The following MGLL variants were observed in gnomAD, a reference collection of about 807,000 sequenced individuals.
The protein encoded by MGLL is monoglyceride lipase, also known as lysophospholipase homolog.
In MGLL, 7 loss-of-function variants were observed where a neutral mutation model predicts 29.1. The observed-to-expected ratio is 0.24, with a 90% confidence interval of 0.14 to 0.45. MGLL has a LOEUF of 0.45. Ranked by LOEUF, MGLL falls within the 20% of genes least tolerant of loss-of-function variation. The pLI is 0.99. For synonymous variants in MGLL, 148 were observed against 168.3 expected (o/e 0.88, Z 0.93); for missense variants, 356 against 413.6 (o/e 0.86, Z 1.21).
rs2075952726 is a variant in MGLL, at chr3:127,722,656, C to T, written c.263-90G>A. On this transcript the variant is annotated intron_variant, in intron 3 of 7. Coordinates refer to ENST00000265052, the MANE Select transcript of MGLL (RefSeq NM_007283.7). ...GTTCTCCTCACTGCAATCGCTCTCT[C>T]TCCTGAGCGCCTGAATGTGTCACCT... 16 of 1,539,536 alleles carry T rather than the reference C, an allele frequency of 1.0e-5. No individual in the cohort carries two copies. In the South Asian group the frequency reaches 1.7e-4, roughly 16 times the overall value.
chr3:127,745,678 A>G (rs1020888711), intron 3 of MGLL, among the ~76,000 whole-genome samples: 1 of 152,202 alleles, frequency 6.6e-6, no homozygotes, highest in Non-Finnish European at 1.5e-5. Flanking sequence ...GTACCCATAC[A>G]TTTATATGAA....
intron 3 of MGLL, among the ~76,000 whole-genome samples, chr3:127,772,500 C>T (rs1353424645): frequency 6.6e-6 from 1 of 152,196 alleles, no homozygotes; most frequent in East Asian, 1.9e-4. Flanking sequence ...TCACGTGAAC[C>T]GTCCTGCACA....
chr3:127,739,457 G>T (rs1368146570), intron 3 of MGLL, among the ~76,000 whole-genome samples: 4 of 152,172 alleles, frequency 2.6e-5, no homozygotes, highest in African/African-American at 9.7e-5. Flanking sequence ...TATTAGTTTG[G>T]TCTCCTTTCA....
intron 3 of MGLL, among the ~76,000 whole-genome samples, chr3:127,745,081 C>T (rs59799571): frequency 0.069 from 10,578 of 152,272 alleles, 427 homozygotes; most frequent in South Asian, 0.11. Context: ...ACAGCTGCTA[C>T]GTCTTAGCTG....
intron 3 of MGLL, among the ~76,000 whole-genome samples, chr3:127,756,218 C>T (rs7650669): frequency 0.031 from 4,651 of 152,276 alleles, 201 homozygotes; most frequent in East Asian, 0.095. Context: ...GGAGCTGTTA[C>T]TCCAAGTATT....
intron 3 of MGLL, among the ~76,000 whole-genome samples, chr3:127,747,390 C>G (rs1307211284): frequency 4.6e-5 from 7 of 152,226 alleles, no homozygotes; most frequent in Non-Finnish European, 7.3e-5. Context: ...AGGTCCAACT[C>G]CAGTGTTATC....
At chr3:127,771,379 C>T (rs754507222) in intron 3 of MGLL, among the ~76,000 whole-genome samples, 1 of 152,150 alleles carries the variant, frequency 6.6e-6, no homozygotes, top group Non-Finnish European at 1.5e-5. Flanking sequence ...GATAGGGTCT[C>T]GCTCTGTCGC....
intron 6 of MGLL, among the ~76,000 whole-genome samples, chr3:127,705,491 C>T (rs549045956): frequency 5.9e-5 from 9 of 152,010 alleles, no homozygotes; most frequent in East Asian, 3.9e-4. Flanking sequence ...AGAAGACATA[C>T]AAGGTCCCAG....
chr3:127,756,067 G>T (rs750967810), intron 3 of MGLL, among the ~76,000 whole-genome samples: 1 of 152,182 alleles, frequency 6.6e-6, no homozygotes, highest in Non-Finnish European at 1.5e-5. Context: ...TGGAAGATAG[G>T]TATCATTTTT....
intron 7 of MGLL, among the ~76,000 whole-genome samples, chr3:127,693,172 G>A (rs2075279988): frequency 6.6e-6 from 1 of 152,136 alleles, no homozygotes; most frequent in African/African-American, 2.4e-5. Flanking sequence ...TCTGCCTGGC[G>A]TTTCCGGTCT....
chr3:127,757,196 G>A (rs376456190), intron 3 of MGLL, among the ~76,000 whole-genome samples: 226 of 152,244 alleles, frequency 1.5e-3, no homozygotes, highest in African/African-American at 2.7e-3. Context: ...GGAGAGAGCC[G>A]AACCCAACTT....
In MGLL at chr3:127,761,857, G is replaced by A. The variant is rs189369676; in HGVS notation, c.262+19932C>T. The stretch of plus-strand genomic sequence containing the variant: ...ACTAAATATGCGTAGTGCACCCAGC[G>A]CACTTGCCGGGGAGTTGTGACTGCA... On this transcript the variant is annotated intron_variant, in intron 3 of 7. Coordinates refer to ENST00000265052, the MANE Select transcript of MGLL (RefSeq NM_007283.7). The surrounding 1 kb of genome is among the most constrained non-coding windows in gnomAD (Gnocchi z 4.6). 6.6e-5 allele frequency among the ~76,000 whole-genome samples: 10 copies of A among 152,284 alleles called. No individual in the cohort carries two copies. The highest frequency in any genetic ancestry group is 3.9e-4 in the Admixed American group (6 of 15,300).
At chr3:127,790,074 C>T (rs976394708) in intron 2 of MGLL, among the ~76,000 whole-genome samples, 1 of 152,182 alleles carries the variant, frequency 6.6e-6, no homozygotes, top group Non-Finnish European at 1.5e-5. Flanking sequence ...AAGCAGTATC[C>T]TGTGGGCTGG....
intron 2 of MGLL, among the ~76,000 whole-genome samples, chr3:127,797,082 AGAG>A (rs2077394526): frequency 6.6e-6 from 1 of 152,094 alleles, no homozygotes; most frequent in South Asian, 2.1e-4. Flanking sequence ...ACAGGGTGGC[AGAG>A]GAGAAGCCTG....
At chr3:127,766,109 A>T (rs2076850912) in intron 3 of MGLL, among the ~76,000 whole-genome samples, 2 of 152,162 alleles carry the variant, frequency 1.3e-5, no homozygotes, top group South Asian at 4.1e-4. Flanking sequence ...GTCATGTCCT[A>T]TGAAGATATT....
chr3:127,821,913 T>G, intron 1 of MGLL, 75 bp from the exon 2 acceptor site: 5 of 1,482,866 alleles, frequency 3.4e-6, no homozygotes, highest in Non-Finnish European at 4.6e-6. Context: ...AAAAGTCTAG[T>G]TCAGAGTCAG....
intron 6 of MGLL, among the ~76,000 whole-genome samples, chr3:127,709,175 GT>G (rs1258169925): frequency 2.0e-5 from 3 of 152,148 alleles, no homozygotes; most frequent in Non-Finnish European, 2.9e-5. Context: ...TGGAATTAAA[GT>G]TTTTTTCCTT....
chr3:127,733,006 G>A (rs2076178727), intron 3 of MGLL, among the ~76,000 whole-genome samples: 3 of 152,184 alleles, frequency 2.0e-5, no homozygotes, highest in Admixed American at 2.0e-4. Flanking sequence ...CGGGGGCTGG[G>A]TAAAATGAGG....
chr3:127,766,956 A>C (rs1434606034), intron 3 of MGLL, among the ~76,000 whole-genome samples: 4 of 152,104 alleles, frequency 2.6e-5, no homozygotes, highest in African/African-American at 4.8e-5. Flanking sequence ...CTGTAATCCC[A>C]GCTACTCAGG....
Sources: gnomAD v4.1 joint callset for allele counts (sites outside exome capture counted in the v4.1 genomes callset) on GRCh38, gnomAD v4.1.1 for gene constraint, Gnocchi (gnomAD v3.1) non-coding constraint, MANE v1.5 for transcripts, NCBI Gene and HGNC (gene_info 2026-07-23, HGNC 2026-07-21) for gene names.